The following FOXN1 variants were observed in gnomAD, a reference collection of about 807,000 sequenced individuals.
FOXN1 encodes the protein forkhead box N1.
In FOXN1, 15 loss-of-function variants were observed where a neutral mutation model predicts 49.0. The ratio of observed to expected loss-of-function variants is 0.31; its 90% CI spans 0.20 to 0.47. The LOEUF is 0.47. Among genes scored for constraint, FOXN1 ranks in the 20% least tolerant of loss-of-function variants. The pLI is 1.00. For missense variants in FOXN1, 800 were observed against 842.8 expected (o/e 0.95, Z 0.63); for synonymous variants, 356 against 369.0 (o/e 0.96, Z 0.40).
chr17:28,519,020 C>T (rs1312125809), intron 1 of FOXN1, among the ~76,000 whole-genome samples: 1 of 152,136 alleles, frequency 6.6e-6, no homozygotes, highest in Non-Finnish European at 1.5e-5. Context: ...GCAAATACTC[C>T]CACTGTGGCT....
rs373516529 is a variant in FOXN1, at chr17:28,523,945, C to T, written c.-14-11C>T. 2.0e-5 allele frequency: 32 copies of T among 1,613,058 alleles called. No homozygotes were observed. The highest frequency in any genetic ancestry group is 1.8e-4 in the East Asian group (8 of 44,868). Reference sequence around the variant, plus strand: ...TGGTCCTCACTCTCATGGCAGACGGCTTTCTTTGAGGCCAGGACTGGGTGA... The same window carrying T: ...TGGTCCTCACTCTCATGGCAGACGGTTTTCTTTGAGGCCAGGACTGGGTGA... On this transcript the variant is annotated splice_polypyrimidine_tract_variant and intron_variant, in intron 1 of 8. Transcript: ENST00000579795.
At chr17:28,520,759 A>G (rs1337429271) in intron 1 of FOXN1, among the ~76,000 whole-genome samples, 1 of 152,202 alleles carries the variant, frequency 6.6e-6, no homozygotes, top group Non-Finnish European at 1.5e-5. Flanking sequence ...TGCGGGGATC[A>G]TTCTGGGCAG....
chr17:28,535,511 A>C (rs941232617), intron 8 of FOXN1, among the ~76,000 whole-genome samples: 1 of 152,178 alleles, frequency 6.6e-6, no homozygotes, highest in Non-Finnish European at 1.5e-5. Context: ...GCACTCTGGG[A>C]GGCTGAGGTG....
At chr17:28,521,515 TGCCCCGCACCTCGG>T (rs1009250051) in intron 1 of FOXN1, among the ~76,000 whole-genome samples, 2 of 152,372 alleles carry the variant, frequency 1.3e-5, no homozygotes, top group East Asian at 3.9e-4. Context: ...GGAGGTGGGC[TGCCCCGCACCTCGG>T]GCCCCATGCC....
rs777327160 is a variant in FOXN1 at position 28,534,909 on chromosome 17, C to T, written c.1338C>T (p.His446=). Residue 446 remains histidine, a synonymous_variant, in exon 8 of 9, where the codon CAC becomes CAT. Coordinates refer to ENST00000579795, the MANE Select transcript of FOXN1 (RefSeq NM_001369369.1). This position sits in a 1 kb window ranked among gnomAD's most constrained non-coding sequence, Gnocchi z 4.1. The part of the protein sequence containing the change: ...KNPLQDLLMG[H]TPSCYGQTYL... ...CCCTGCAGGACCTACTTATGGGGCA[C>T]ACACCCTCCTGCTATGGGCAGACAT... The T allele has an allele frequency of 2.5e-6, 4 of 1,614,140 alleles. No homozygotes were observed. The East Asian group carries it at 8.9e-5, about 36-fold the overall frequency.
rs759981952 is a variant in FOXN1, at chr17:28,535,130, T to A, written c.1559T>A (p.Leu520Gln). The A allele has an allele frequency of 3.1e-6, 5 of 1,609,998 alleles. No homozygotes were observed. The South Asian group carries it at 5.5e-5, about 18-fold the overall frequency. ...SPARTMHDTL[L>Q]PDGDLGTDLD... is the part of the protein sequence containing the mutation. ...GCCAGGACTATGCACGACACCCTGC[T>A]GCCAGATGGAGACCTTGGCACTGAC... Residue 520 changes from leucine to glutamine, a missense_variant, in exon 8 of 9, where the codon CTG becomes CAG. Coordinates refer to ENST00000579795, the MANE Select transcript of FOXN1 (RefSeq NM_001369369.1).
At chr17:28,517,134 T>G (rs938299263) in intron 1 of FOXN1, among the ~76,000 whole-genome samples, 2 of 24,854 alleles carry the variant, frequency 8.0e-5, no homozygotes, top group East Asian at 1.2e-3. Context: ...AGGGTACACA[T>G]CTCCACAGGG....
chr17:28,531,032 G>C (rs1334828654), intron 6 of FOXN1, among the ~76,000 whole-genome samples, 187 bp downstream of exon 6: 1 of 152,216 alleles, frequency 6.6e-6, no homozygotes, highest in East Asian at 1.9e-4. Context: ...GGTGCTCCAA[G>C]TGGGGAACAG....
intron 6 of FOXN1, among the ~76,000 whole-genome samples, chr17:28,533,049 C>G (rs188654327): frequency 2.6e-5 from 4 of 152,316 alleles, no homozygotes; most frequent in Admixed American, 2.0e-4. Context: ...CTGCCCCAGG[C>G]CAGCTGCCCC....
At chr17:28,535,283 A>G in intron 8 of FOXN1, 85 bp downstream of exon 8, 1 of 1,454,148 alleles carries the variant, frequency 6.9e-7, no homozygotes. Context: ...AAGTCTCCAG[A>G]CTGCAGCCTG....
At chr17:28,521,869 A>G (rs186031129) in intron 1 of FOXN1, among the ~76,000 whole-genome samples, 1 of 152,342 alleles carries the variant, frequency 6.6e-6, no homozygotes, top group East Asian at 1.9e-4. Flanking sequence ...CACGGGGCCA[A>G]TGAGGCCACC....
intron 1 of FOXN1, among the ~76,000 whole-genome samples, chr17:28,508,773 C>T (rs2069324430): frequency 1.3e-5 from 2 of 152,260 alleles, no homozygotes; most frequent in South Asian, 2.1e-4. Flanking sequence ...GCCTGCCTCC[C>T]CATCTGCCCA....
intron 1 of FOXN1, among the ~76,000 whole-genome samples, chr17:28,509,803 A>C (rs2069350202): frequency 6.6e-6 from 1 of 152,190 alleles, no homozygotes; most frequent in Admixed American, 6.5e-5. Context: ...AGGCTTTCTC[A>C]GGGGGCTGGG....
At position 28,524,358 on chromosome 17, in the gene FOXN1, G is replaced by T. The variant is rs908107086; in HGVS notation, c.124-145G>T. On this transcript the variant is annotated intron_variant, in intron 2 of 8. Coordinates refer to ENST00000579795, the MANE Select transcript of FOXN1 (RefSeq NM_001369369.1). Reference sequence around the variant, plus strand: ...GTGCCCTCATGAAATCGGGGCCAAGGGTAGGCTATTTCTTCTCCACCATTT... The same window carrying T: ...GTGCCCTCATGAAATCGGGGCCAAGTGTAGGCTATTTCTTCTCCACCATTT... 6 of 745,816 alleles carry T rather than the reference G, an allele frequency of 8.0e-6. No homozygotes were observed. The African/African-American group carries it at 1.1e-4, about 14-fold the overall frequency. The allele number at this position is 745,816 out of a possible 1,614,324, so 46.2% of individuals were successfully genotyped here. A position where few individuals can be genotyped will look rare whatever the true frequency, so the allele number is the denominator to read the frequency against.
At position 28,537,123 on chromosome 17, in the gene FOXN1, T is replaced by C. The variant is rs920787440; in HGVS notation, c.1634T>C (p.Leu545Pro). 12 of 1,613,726 alleles carry C rather than the reference T, an allele frequency of 7.4e-6. No homozygotes were observed. The highest frequency in any genetic ancestry group is 1.0e-5 in the Non-Finnish European group (12 of 1,179,748). The part of the protein sequence containing the change: ...SLTDFDFQGN[L>P]WEQLKDDSLA... Reference sequence around the variant, plus strand: ...TCTCTCCTTCCCCATCTAGGAAACCTGTGGGAACAGTTGAAGGATGATAGC... The same window carrying C: ...TCTCTCCTTCCCCATCTAGGAAACCCGTGGGAACAGTTGAAGGATGATAGC... Residue 545 changes from leucine (L) to proline (P), a missense_variant, in exon 9 of 9, where the codon CTG becomes CCG. Physicochemically the swap from Leu to Pro is moderately conservative, Grantham distance 98. Transcript: ENST00000579795.
At chr17:28,521,096 T>C (rs1452650949) in intron 1 of FOXN1, among the ~76,000 whole-genome samples, 1 of 152,290 alleles carries the variant, frequency 6.6e-6, no homozygotes, top group African/African-American at 2.4e-5. Context: ...GTGCACACCA[T>C]CCTCACGATG....
intron 1 of FOXN1, among the ~76,000 whole-genome samples, chr17:28,519,594 A>G (rs982284796): frequency 3.3e-5 from 5 of 152,150 alleles, no homozygotes; most frequent in African/African-American, 1.2e-4. Context: ...ATCCAGTTCC[A>G]GTGCTCCCTG....
chr17:28,530,158 A>G (rs1223235987), intron 5 of FOXN1, among the ~76,000 whole-genome samples: 3 of 152,166 alleles, frequency 2.0e-5, no homozygotes, highest in Non-Finnish European at 4.4e-5. Context: ...CGTACTGTAC[A>G]TGTATCCCAG....
At chr17:28,536,560 G>A (rs1331535071) in intron 8 of FOXN1, among the ~76,000 whole-genome samples, 3 of 152,116 alleles carry the variant, frequency 2.0e-5, no homozygotes, top group Non-Finnish European at 1.5e-5. Context: ...TGGATACCCA[G>A]TGCAGGAGCC....
Sources: gnomAD v4.1 joint callset for allele counts (sites outside exome capture counted in the v4.1 genomes callset) on GRCh38, gnomAD v4.1.1 for gene constraint, Gnocchi (gnomAD v3.1) non-coding constraint, MANE v1.5 for transcripts, NCBI Gene and HGNC (gene_info 2026-07-23, HGNC 2026-07-21) for gene names.